CNTLN: variants seen among roughly 807,000 people sequenced by gnomAD.
CNTLN encodes the protein centlein, centrosomal protein.
A neutral mutation model predicts 180.0 loss-of-function variants in CNTLN; 212 were observed. The observed-to-expected ratio is 1.18, with a 90% CI of 1.05 to 1.32. CNTLN has a LOEUF of 1.32. Among genes scored for constraint, CNTLN ranks in the 40% most tolerant of loss-of-function variants. CNTLN has a pLI of 0.00. For missense variants in CNTLN, 2,095 were observed against 1,610.9 expected, an observed-to-expected ratio of 1.30 and a Z score of -5.14; for synonymous variants, 722 against 563.1, an observed-to-expected ratio of 1.28 and a Z score of -3.99.
chr9:17,452,454 CAG>C (rs765692446), intron 18 of CNTLN, among the ~76,000 whole-genome samples: 18 of 152,124 alleles, frequency 1.2e-4, no homozygotes, highest in Non-Finnish European at 2.5e-4. Context: ...CAGAACAAAT[CAG>C]GGGAATACGG....
chr9:17,502,506 A>G (rs1377006289), intron 25 of CNTLN, 45 bp from the exon 26 acceptor site: 1 of 924,560 alleles, frequency 1.1e-6, no homozygotes, highest in Non-Finnish European at 1.6e-6. Context: ...TTTGAACTGA[A>G]GAAAATATAG....
At chr9:17,407,294 G>C (rs1827468432) in intron 15 of CNTLN, among the ~76,000 whole-genome samples, 1 of 152,176 alleles carries the variant, frequency 6.6e-6, no homozygotes, top group Admixed American at 6.5e-5. Flanking sequence ...AGAATACTTT[G>C]TGAATGTTTC....
At chr9:17,295,653 T>C (rs1817843071) in intron 6 of CNTLN, among the ~76,000 whole-genome samples, 1 of 152,132 alleles carries the variant, frequency 6.6e-6, no homozygotes, top group South Asian at 2.1e-4. Context: ...CTGTTTTTCT[T>C]TACTTATTTT....
At chr9:17,475,200 A>G (rs1406728601) in intron 23 of CNTLN, among the ~76,000 whole-genome samples, 1 of 152,136 alleles carries the variant, frequency 6.6e-6, no homozygotes, top group African/African-American at 2.4e-5. Flanking sequence ...ATATGAAACA[A>G]TGGAAAACAA....
intron 8 of CNTLN, among the ~76,000 whole-genome samples, chr9:17,317,286 TG>T (rs756869480): frequency 6.6e-6 from 1 of 152,184 alleles, no homozygotes; most frequent in Non-Finnish European, 1.5e-5. Context: ...GTTTAAATAA[TG>T]GCTCTCATGT....
At chr9:17,148,899 C>G (rs1201747244) in intron 2 of CNTLN, among the ~76,000 whole-genome samples, 1 of 151,930 alleles carries the variant, frequency 6.6e-6, no homozygotes, top group Non-Finnish European at 1.5e-5. Flanking sequence ...ATACATGTGC[C>G]CTAGTGGTTT....
intron 4 of CNTLN, 38 bp from the exon 5 acceptor site, chr9:17,236,371 T>C: frequency 2.7e-6 from 4 of 1,505,728 alleles, no homozygotes; most frequent in Non-Finnish European, 3.5e-6. Flanking sequence ...TTGTTTCGTT[T>C]TGTTTTATTT....
chr9:17,205,563 C>T (rs114197085), intron 2 of CNTLN, among the ~76,000 whole-genome samples: 5 of 152,110 alleles, frequency 3.3e-5, no homozygotes, highest in African/African-American at 9.7e-5. Flanking sequence ...CACACCAGTT[C>T]TGATGAAGGA....
chr9:17,486,681 A>G (rs1832905670), intron 24 of CNTLN, among the ~76,000 whole-genome samples: 1 of 152,028 alleles, frequency 6.6e-6, no homozygotes, highest in Admixed American at 6.6e-5. Context: ...ATATAACTCC[A>G]TCTGATTTTT....
intron 18 of CNTLN, among the ~76,000 whole-genome samples, chr9:17,441,734 C>T (rs1377280267): frequency 6.6e-6 from 1 of 151,630 alleles, no homozygotes; most frequent in East Asian, 1.9e-4. Context: ...GATTACATTC[C>T]CCAGTCAAGA....
chr9:17,359,717 T>TAAAAAAAAAAAAAAAAAAAAAAAAAAA (rs1456379699), intron 12 of CNTLN, among the ~76,000 whole-genome samples: 1 of 13,496 alleles, frequency 7.4e-5, no homozygotes, highest in Non-Finnish European at 1.7e-4. Context: ...CCGTCTATAC[T>TAAAAAAAAAAAAAAAAAAAAAAAAAAA]AAAAATACAA....
intron 23 of CNTLN, among the ~76,000 whole-genome samples, chr9:17,483,246 A>G (rs183470442): frequency 6.6e-5 from 10 of 152,314 alleles, no homozygotes; most frequent in African/African-American, 1.9e-4. Flanking sequence ...TTATAATGAG[A>G]GAAATGAAAC....
chr9:17,314,953 A>G (rs994997319), intron 8 of CNTLN, among the ~76,000 whole-genome samples: 3 of 152,226 alleles, frequency 2.0e-5, no homozygotes, highest in African/African-American at 4.8e-5. Context: ...TTAATAGACT[A>G]TAACTTGTTG....
At position 17,267,954 on chromosome 9, in the gene CNTLN, A is replaced by T. The variant is rs185756199; in HGVS notation, c.850-5779A>T. 2.0e-5 allele frequency among the ~76,000 whole-genome samples: 3 copies of T among 151,860 alleles called. No individual in the cohort carries two copies. The East Asian group carries it at 5.8e-4, about 30-fold the overall frequency. ...TCCATTCGTCTAATTTTTTTTTCAA[A>T]CTTTTAACTTCTTTCCCATTGGTTT... On this transcript the variant is annotated intron_variant, in intron 5 of 25. Transcript: ENST00000380647.
intron 18 of CNTLN, among the ~76,000 whole-genome samples, chr9:17,425,986 T>G (rs1004502042): frequency 2.6e-5 from 4 of 152,172 alleles, no homozygotes; most frequent in African/African-American, 4.8e-5. Flanking sequence ...ACGAGAAAGG[T>G]TGTTTTGAAG....
At chr9:17,347,411 G>A (rs1345783708) in intron 12 of CNTLN, among the ~76,000 whole-genome samples, 2 of 152,190 alleles carry the variant, frequency 1.3e-5, no homozygotes, top group African/African-American at 4.8e-5. Flanking sequence ...GCTCATGCCT[G>A]TAATCCCAGC....
intron 2 of CNTLN, among the ~76,000 whole-genome samples, chr9:17,221,305 A>G (rs1416036171): frequency 6.6e-6 from 1 of 152,096 alleles, no homozygotes. Flanking sequence ...ACTAAAATAT[A>G]AAATGGCAGA....
At chr9:17,343,281 C>T (rs1442712907) in intron 12 of CNTLN, among the ~76,000 whole-genome samples, 3 of 152,142 alleles carry the variant, frequency 2.0e-5, no homozygotes, top group Non-Finnish European at 4.4e-5. Context: ...ACTATTTCTT[C>T]ATTTAGAGTT....
At chr9:17,316,004 G>C (rs1014996915) in intron 8 of CNTLN, among the ~76,000 whole-genome samples, 4 of 151,644 alleles carry the variant, frequency 2.6e-5, no homozygotes, top group African/African-American at 9.7e-5. Flanking sequence ...TGTTCTTCCA[G>C]TCTTCTGTTT....
Sources: gnomAD v4.1 joint callset for allele counts (sites outside exome capture counted in the v4.1 genomes callset) on GRCh38, gnomAD v4.1.1 for gene constraint, MANE v1.5 for transcripts, NCBI Gene and HGNC (gene_info 2026-07-23, HGNC 2026-07-21) for gene names.